TTLL2: variants seen among roughly 807,000 people sequenced by gnomAD.
TTLL2 encodes the protein probable tubulin polyglutamylase TTLL2.
In TTLL2, 10 loss-of-function variants were observed where a neutral mutation model predicts 7.5. The ratio of observed to expected loss-of-function variants is 1.33; its 90% CI spans 0.82 to 2.25. TTLL2 has a LOEUF of 2.25. Ranked by LOEUF, TTLL2 falls within the 30% of genes most tolerant of loss-of-function variation. The pLI is 0.00. For missense variants in TTLL2, 733 were observed against 735.7 expected (o/e 1.00, Z 0.04); for synonymous variants, 284 against 280.3 (o/e 1.01, Z -0.13).
chr6:167,341,090 G>A lies in TTLL2; in HGVS notation c.1190G>A (p.Cys397Tyr), dbSNP rs1779084971. The A allele has an allele frequency of 6.2e-7, 1 of 1,613,798 alleles. No individual in the cohort carries two copies. Among genetic ancestry groups the A allele is most frequent in the African/African-American group, 1.3e-5 (1 of 74,798 alleles). Residue 397 changes from cysteine (C) to tyrosine (Y), a missense_variant, in exon 3 of 3, where the codon TGT (cysteine) becomes TAT (tyrosine). Physicochemically the swap from Cys to Tyr is radical, Grantham distance 194. Coordinates refer to ENST00000239587, the MANE Select transcript of TTLL2 (RefSeq NM_031949.5). ...VNYSPALTLDCSTDVLVKRKL... is the reference protein window; with the variant it reads ...VNYSPALTLDYSTDVLVKRKL... ...TACAGCCCAGCCTTGACCTTGGATT[G>A]TTCAACAGATGTGTTGGTGAAGAGA...
At chr6:167,339,304 G>A (rs61415311) in intron 2 of TTLL2, among the ~76,000 whole-genome samples, 3,215 of 152,156 alleles carry the variant, frequency 0.021, 127 homozygotes, top group African/African-American at 0.074. Flanking sequence ...AGTCTTTGAC[G>A]TTTTTTACCT....
chr6:167,334,347 A>T (rs1778960212), intron 1 of TTLL2, among the ~76,000 whole-genome samples: 1 of 146,432 alleles, frequency 6.8e-6, no homozygotes, highest in Non-Finnish European at 1.5e-5. Context: ...TTTGCTGAGG[A>T]GAGCTTTACT....
At chr6:167,328,993 G>T (rs997780989) in intron 1 of TTLL2, among the ~76,000 whole-genome samples, 1 of 152,110 alleles carries the variant, frequency 6.6e-6, no homozygotes, top group African/African-American at 2.4e-5. Flanking sequence ...CTATGTGGAG[G>T]TCTGACTGCA....
intron 1 of TTLL2, among the ~76,000 whole-genome samples, chr6:167,327,144 G>A (rs903280851): frequency 3.3e-5 from 5 of 152,292 alleles, no homozygotes; most frequent in East Asian, 1.9e-4. Flanking sequence ...GGCGGGTAGA[G>A]GAACAGTCGC....
intron 1 of TTLL2, among the ~76,000 whole-genome samples, chr6:167,326,540 A>G (rs1481582146): frequency 6.6e-6 from 1 of 152,046 alleles, no homozygotes; most frequent in East Asian, 1.9e-4. Context: ...GGCTTCAATG[A>G]CCTAGAACAA....
chr6:167,339,185 C>G (rs961276068), intron 2 of TTLL2, among the ~76,000 whole-genome samples: 78 of 152,168 alleles, frequency 5.1e-4, no homozygotes, highest in African/African-American at 1.8e-3. Context: ...TTATTTATAT[C>G]ATTATGTGAT....
At chr6:167,325,972 C>G (rs763291847) in intron 1 of TTLL2, among the ~76,000 whole-genome samples, 1 of 152,148 alleles carries the variant, frequency 6.6e-6, no homozygotes, top group Non-Finnish European at 1.5e-5. Context: ...GGTGCAAGGC[C>G]GTGAGTGCCT....
rs149888169 is a variant in TTLL2 at position 167,330,626 on chromosome 6, G to A, written c.47+5406G>A. ...ATACAAAATGTTTTATTCCATTAAT[G>A]TAAAGGAAAAGATCTAGACCCCTGT... is the stretch of plus-strand genomic sequence containing the variant. On this transcript the variant is annotated intron_variant, in intron 1 of 2. Coordinates refer to ENST00000239587, the MANE Select transcript of TTLL2 (RefSeq NM_031949.5). Among the ~76,000 whole-genome samples, 328 of 152,190 alleles carry A rather than the reference G, an allele frequency of 2.2e-3. 2 individuals are homozygous for A. Among genetic ancestry groups the A allele is most frequent in the African/African-American group, 7.4e-3 (306 of 41,514 alleles).
Position 167,342,460 on chromosome 6 carries a change from T to C in TTLL2, c.*781T>C, listed in dbSNP as rs1779110145. ...AAGGCCACATGTTGTATGACTCCGT[T>C]GATATGGAATGTCAGAATTGGCAAA... On this transcript the variant is annotated 3_prime_UTR_variant, in exon 3 of 3. Coordinates refer to ENST00000239587, the MANE Select transcript of TTLL2 (RefSeq NM_031949.5). Among the ~76,000 whole-genome samples the C allele has an allele frequency of 6.6e-6, 1 of 152,234 alleles. No individual in the cohort carries two copies. Among genetic ancestry groups the C allele is most frequent in the African/African-American group, 2.4e-5 (1 of 41,450 alleles).
Position 167,341,485 on chromosome 6 carries a change from C to T in TTLL2, c.1585C>T (p.Gln529Ter). 1 of 1,614,132 alleles carries T rather than the reference C, an allele frequency of 6.2e-7. No individual in the cohort carries two copies. Among genetic ancestry groups the T allele is most frequent in the South Asian group, 1.1e-5 (1 of 91,082 alleles). ...ACTCATGCCCTACGCGTCCCTCTTCCAGTCGCACTCCTGCAAGACCAAGAC... is the reference window on the plus strand; with the variant it reads ...ACTCATGCCCTACGCGTCCCTCTTCTAGTCGCACTCCTGCAAGACCAAGAC... Reference protein sequence around the residue: ...KTLMPYASLFQSHSCKTKTSP... With the variant: ...KTLMPYASLF Residue 529 changes from glutamine (Q) to a stop codon, truncating the protein, a stop_gained, in exon 3 of 3, where the codon CAG (glutamine) becomes TAG (stop). Transcript: ENST00000239587. LOFTEE classifies it low-confidence loss of function (END_TRUNC).
chr6:167,336,996 C>G (rs142575720), intron 1 of TTLL2, among the ~76,000 whole-genome samples: 3,205 of 152,272 alleles, frequency 0.021, 124 homozygotes, highest in African/African-American at 0.074. Context: ...CACCCCAGCC[C>G]TCACCCTGGC....
intron 1 of TTLL2, among the ~76,000 whole-genome samples, chr6:167,326,735 T>G (rs149698036): frequency 6.6e-6 from 1 of 152,306 alleles, no homozygotes; most frequent in Non-Finnish European, 1.5e-5. Flanking sequence ...GTGATTTTGT[T>G]TTGTGTTTTT....
Position 167,341,759 on chromosome 6 carries a change from A to C in TTLL2, c.*80A>C. On this transcript the variant is annotated 3_prime_UTR_variant, in exon 3 of 3. Transcript: ENST00000239587. ...CCTGTCCTAGAGAAAGCAATAGTTCAAGTCCCTACCTGTGCCACCAGCATG... is the reference window on the plus strand; with the variant it reads ...CCTGTCCTAGAGAAAGCAATAGTTCCAGTCCCTACCTGTGCCACCAGCATG... The C allele has an allele frequency of 7.0e-7, 1 of 1,432,842 alleles. No homozygotes were observed. Among genetic ancestry groups the C allele is most frequent in the Non-Finnish European group, 9.2e-7 (1 of 1,084,776 alleles). The allele number at this position is 1,432,842 out of a possible 1,614,324, so 88.8% of individuals were successfully genotyped here.
intron 1 of TTLL2, among the ~76,000 whole-genome samples, chr6:167,337,745 C>T (rs1280956060): frequency 2.6e-5 from 4 of 151,902 alleles, no homozygotes; most frequent in African/African-American, 9.7e-5. Context: ...TTATTCCACT[C>T]TGGATTTCCT....
chr6:167,336,049 C>T (rs984762238), intron 1 of TTLL2, among the ~76,000 whole-genome samples: 3 of 151,996 alleles, frequency 2.0e-5, no homozygotes, highest in Admixed American at 1.3e-4. Context: ...TCCATCTCTC[C>T]CTGAATGGAC....
At chr6:167,339,822 A>G (rs1394948538) in intron 2 of TTLL2, among the ~76,000 whole-genome samples, 1 of 152,250 alleles carries the variant, frequency 6.6e-6, no homozygotes, top group African/African-American at 2.4e-5. Context: ...AAAGTATGAT[A>G]GAGTATTTGC....
intron 1 of TTLL2, among the ~76,000 whole-genome samples, chr6:167,337,360 T>A (rs1779000794): frequency 6.6e-6 from 1 of 152,110 alleles, no homozygotes; most frequent in Admixed American, 6.5e-5. Flanking sequence ...CGGCCACTCC[T>A]CTTGCTGCTG....
rs575678531 is a variant in TTLL2, at chr6:167,336,075, G to A, written c.48-2572G>A. ...CTGAATGGACCCCTGGGTAGATTCC[G>A]GACCTTGGGTATTGTGACTGTGCCA... On this transcript the variant is annotated intron_variant, in intron 1 of 2. Transcript: ENST00000239587. Among the ~76,000 whole-genome samples, 12 of 152,038 alleles carry A rather than the reference G, an allele frequency of 7.9e-5. 1 individual carries two copies. In the South Asian group the frequency reaches 1.2e-3, roughly 16 times the overall value.
At position 167,325,088 on chromosome 6, in the gene TTLL2, T is replaced by G; in HGVS notation, c.-86T>G. The G allele has an allele frequency of 7.0e-7, 1 of 1,426,180 alleles. No homozygotes were observed. Among genetic ancestry groups the G allele is most frequent in the Non-Finnish European group, 9.6e-7 (1 of 1,043,486 alleles). 88.3% of individuals were successfully genotyped at this position (1,426,180 alleles called of 1,614,324 possible). A position where few individuals can be genotyped will look rare whatever the true frequency, so the allele number is the denominator to read the frequency against. ...CAGACCCTGCATCATCAGCAACCAG[T>G]GCTCCCTCCAGCCTCCGCGCATTTC... On this transcript the variant is annotated 5_prime_UTR_variant, in exon 1 of 3. Transcript: ENST00000239587.
Sources: allele counts gnomAD v4.1 joint callset (sites outside exome capture counted in the v4.1 genomes callset), GRCh38; gene constraint gnomAD v4.1.1; transcripts MANE v1.5; gene names NCBI Gene and HGNC (gene_info 2026-07-23, HGNC 2026-07-21).